FGF12: variants seen among roughly 807,000 people sequenced by gnomAD.
FGF12 encodes the protein fibroblast growth factor 12, also known as fibroblast growth factor 12B.
In FGF12, 14 loss-of-function variants were observed where a neutral mutation model predicts 23.6. That is an observed-to-expected ratio of 0.59 (90% CI 0.39 to 0.93). The LOEUF (loss-of-function observed/expected upper bound fraction) is 0.93, where lower values mean the gene tolerates loss of function less well. Ranked by LOEUF, FGF12 falls within the 40% of genes least tolerant of loss-of-function variation. The pLI is 0.00. For missense variants in FGF12, 175 were observed against 217.8 expected (o/e 0.80, Z 1.24); for synonymous variants, 62 against 77.3 (o/e 0.80, Z 1.04).
chr3:192,288,256 T>C lies in FGF12; in HGVS notation c.228+47105A>G, dbSNP rs73064593. Among the ~76,000 whole-genome samples, 619 of 152,094 alleles carry C rather than the reference T, an allele frequency of 4.1e-3. 6 individuals are homozygous for C. The highest frequency in any genetic ancestry group is 0.014 in the African/African-American group (582 of 41,512). On this transcript the variant is annotated intron_variant, in intron 4 of 5. Coordinates refer to ENST00000445105, the MANE Select transcript of FGF12 (RefSeq NM_004113.6). ...ACAATTACCTAACAGAAAAATAAAT[T>C]CACAGCAGGAACAAGAGTGATTTAT...
intron 2 of FGF12, among the ~76,000 whole-genome samples, chr3:192,382,152 A>G (rs947961284): frequency 6.6e-6 from 1 of 152,022 alleles, no homozygotes; most frequent in African/African-American, 2.4e-5. Context: ...ATGTGCCAAC[A>G]CGCCCAGCTA....
At chr3:192,279,141 T>C (rs1293184427) in intron 4 of FGF12, among the ~76,000 whole-genome samples, 2 of 151,896 alleles carry the variant, frequency 1.3e-5, no homozygotes, top group Non-Finnish European at 2.9e-5. Context: ...AAAATTTTTC[T>C]TATGCATAAA....
At chr3:192,716,269 T>C (rs1553560) in intron 2 of FGF12, among the ~76,000 whole-genome samples, 35,307 of 152,056 alleles carry the variant, frequency 0.23, 4,433 homozygotes, top group East Asian at 0.38. Flanking sequence ...AAAGTTGTCC[T>C]TACGATTCTG....
intron 2 of FGF12, among the ~76,000 whole-genome samples, chr3:192,632,616 A>G (rs1433870479): frequency 6.6e-6 from 1 of 152,254 alleles, no homozygotes; most frequent in Non-Finnish European, 1.5e-5. Flanking sequence ...AAATTCGCAG[A>G]TATTTGTAGA....
intron 2 of FGF12, among the ~76,000 whole-genome samples, chr3:192,419,594 T>C (rs1721458749): frequency 6.6e-6 from 1 of 152,140 alleles, no homozygotes; most frequent in South Asian, 2.1e-4. Context: ...AGGTATTCTA[T>C]AAAATGATTA....
At chr3:192,330,329 T>G (rs1361047983) in intron 4 of FGF12, among the ~76,000 whole-genome samples, 1 of 152,096 alleles carries the variant, frequency 6.6e-6, no homozygotes, top group African/African-American at 2.4e-5. Context: ...GACTTCAAAA[T>G]GTAGTGGAAA....
At position 192,500,828 on chromosome 3, in the gene FGF12, G is replaced by A. The variant is rs116033185; in HGVS notation, c.14-140290C>T. 4.2e-3 allele frequency among the ~76,000 whole-genome samples: 644 copies of A among 152,254 alleles called. 5 individuals are homozygous for A. The highest frequency in any genetic ancestry group is 0.015 in the African/African-American group (625 of 41,546). ...TAATCCCCATAAAGTAGGTGCTATT[G>A]TTATTGCCATTTTATGAATGGAGAA... On this transcript the variant is annotated intron_variant, in intron 2 of 5. Transcript: ENST00000445105.
chr3:192,629,139 A>G (rs922099127), intron 2 of FGF12, among the ~76,000 whole-genome samples: 1 of 152,252 alleles, frequency 6.6e-6, no homozygotes, highest in Non-Finnish European at 1.5e-5. Flanking sequence ...TCTGTAAATT[A>G]TTTATCTTCT....
chr3:192,176,244 T>C (rs879359266), intron 4 of FGF12, among the ~76,000 whole-genome samples: 2 of 152,230 alleles, frequency 1.3e-5, no homozygotes, highest in African/African-American at 2.4e-5. Context: ...TGTTTCTCTA[T>C]CAAATAGGAC....
chr3:192,600,304 T>C (rs1714060880), intron 2 of FGF12, among the ~76,000 whole-genome samples: 1 of 152,122 alleles, frequency 6.6e-6, no homozygotes, highest in Non-Finnish European at 1.5e-5. Context: ...CTTTGTAATA[T>C]ATTTTGAAGT....
intron 2 of FGF12, among the ~76,000 whole-genome samples, chr3:192,392,308 C>T (rs1720325254): frequency 6.6e-6 from 1 of 151,944 alleles, no homozygotes; most frequent in South Asian, 2.1e-4. Flanking sequence ...GTGGCTCACG[C>T]CTGTAATCCC....
intron 2 of FGF12, among the ~76,000 whole-genome samples, chr3:192,702,999 T>G (rs1718350779): frequency 6.6e-6 from 1 of 152,186 alleles, no homozygotes; most frequent in Non-Finnish European, 1.5e-5. Context: ...GGTATTTCGT[T>G]CTATACCTGA....
chr3:192,545,538 C>A (rs1479912058), intron 2 of FGF12, among the ~76,000 whole-genome samples: 1 of 152,178 alleles, frequency 6.6e-6, no homozygotes, highest in Admixed American at 6.5e-5. Flanking sequence ...GAATTACGTC[C>A]CATAGCTATA....
intron 2 of FGF12, among the ~76,000 whole-genome samples, chr3:192,666,771 A>T (rs1406290318): frequency 6.6e-6 from 1 of 152,208 alleles, no homozygotes; most frequent in Non-Finnish European, 1.5e-5. Context: ...ACTTCATAAT[A>T]AGCTCACTTC....
intron 2 of FGF12, among the ~76,000 whole-genome samples, chr3:192,383,348 T>C (rs886266871): frequency 1.4e-4 from 22 of 152,132 alleles, no homozygotes; most frequent in African/African-American, 5.3e-4. Context: ...ATCCTTGCTG[T>C]TGTGTGTACC....
intron 4 of FGF12, among the ~76,000 whole-genome samples, chr3:192,224,254 T>G (rs1390204689): frequency 6.6e-6 from 1 of 152,166 alleles, no homozygotes; most frequent in Non-Finnish European, 1.5e-5. Flanking sequence ...GTGGTGATGA[T>G]GATGATGATA....
intron 4 of FGF12, among the ~76,000 whole-genome samples, chr3:192,296,501 T>C (rs1715051228): frequency 6.6e-6 from 1 of 152,178 alleles, no homozygotes; most frequent in South Asian, 2.1e-4. Context: ...TGGGATTACA[T>C]GTGTGAGACA....
chr3:192,148,774 A>T (rs1056979456), intron 5 of FGF12, among the ~76,000 whole-genome samples: 5 of 152,190 alleles, frequency 3.3e-5, no homozygotes, highest in African/African-American at 1.2e-4. Flanking sequence ...GAACTGTATT[A>T]AGGAAGAGGG....
chr3:192,307,932 T>C (rs563417504), intron 4 of FGF12, among the ~76,000 whole-genome samples: 1 of 152,310 alleles, frequency 6.6e-6, no homozygotes, highest in African/African-American at 2.4e-5. Flanking sequence ...TCTTAGATAG[T>C]AGGGACTTCA....
Sources: gnomAD v4.1 joint callset for allele counts (sites outside exome capture counted in the v4.1 genomes callset) on GRCh38, gnomAD v4.1.1 for gene constraint, MANE v1.5 for transcripts, NCBI Gene and HGNC (gene_info 2026-07-23, HGNC 2026-07-21) for gene names.